Variants in REDIC1 observed in about 807,000 individuals in gnomAD.
REDIC1 encodes regulator of DNA class I crossover intermediates 1.
At chr12:39,664,029 A>G in the REDIC1 span, among the ~76,000 whole-genome samples, 1 of 151,712 alleles carries the variant, frequency 6.6e-6, no homozygotes, top group African/African-American at 2.4e-5. Flanking sequence ...ATAAGAATTC[A>G]CTTACATATG....
chr12:39,856,833 G>A, the REDIC1 span, among the ~76,000 whole-genome samples: 12 of 152,270 alleles, frequency 7.9e-5, no homozygotes, highest in South Asian at 2.5e-3. Flanking sequence ...TAGCTGAATT[G>A]TTTTCGTTTC....
the REDIC1 span, among the ~76,000 whole-genome samples, chr12:39,726,987 C>T: frequency 6.6e-6 from 1 of 152,134 alleles, no homozygotes; most frequent in Non-Finnish European, 1.5e-5. Flanking sequence ...TGTTCATATC[C>T]TTTGCCCACT....
the REDIC1 span, among the ~76,000 whole-genome samples, chr12:39,649,024 A>G: frequency 6.6e-6 from 1 of 151,868 alleles, no homozygotes; most frequent in Non-Finnish European, 1.5e-5. Flanking sequence ...ACAAAAACCT[A>G]CATTCTAGAT....
At chr12:39,733,815 C>G in the REDIC1 span, among the ~76,000 whole-genome samples, 1 of 152,202 alleles carries the variant, frequency 6.6e-6, no homozygotes, top group African/African-American at 2.4e-5. Context: ...GAATTTCAAG[C>G]CAGCGGATCT....
chr12:39,761,208 C>T, the REDIC1 span, among the ~76,000 whole-genome samples: 1 of 151,668 alleles, frequency 6.6e-6, no homozygotes, highest in African/African-American at 2.4e-5. Flanking sequence ...TCTGGATAGT[C>T]ATTTAACCTC....
At chr12:39,710,066 G>A in the REDIC1 span, among the ~76,000 whole-genome samples, 1 of 151,632 alleles carries the variant, frequency 6.6e-6, no homozygotes, top group East Asian at 1.9e-4. Context: ...TTTTTAAATG[G>A]TGAATTTTAC....
At chr12:39,776,602 G>A in the REDIC1 span, among the ~76,000 whole-genome samples, 1 of 152,226 alleles carries the variant, frequency 6.6e-6, no homozygotes, top group Non-Finnish European at 1.5e-5. Context: ...GAAGCCATGA[G>A]GTAAAGAAGG....
the REDIC1 span, among the ~76,000 whole-genome samples, chr12:39,713,716 C>T: frequency 0.07 from 10,368 of 148,332 alleles, 1,261 homozygotes; most frequent in African/African-American, 0.24. Flanking sequence ...TTTATGTATG[C>T]CTGTATACAT....
the REDIC1 span, among the ~76,000 whole-genome samples, chr12:39,697,080 A>G: frequency 6.6e-6 from 1 of 152,140 alleles, no homozygotes; most frequent in African/African-American, 2.4e-5. Context: ...ATAAACTCCT[A>G]AAGATCAAGA....
At chr12:39,718,023 T>A in the REDIC1 span, among the ~76,000 whole-genome samples, 1 of 152,122 alleles carries the variant, frequency 6.6e-6, no homozygotes, top group Non-Finnish European at 1.5e-5. Context: ...TGATTAGCTC[T>A]TGTAAATCCT....
chr12:39,768,820 T>C, the REDIC1 span, among the ~76,000 whole-genome samples: 2 of 152,164 alleles, frequency 1.3e-5, no homozygotes, highest in East Asian at 3.9e-4. Flanking sequence ...AATGAGCACA[T>C]ACTATTGGAA....
the REDIC1 span, among the ~76,000 whole-genome samples, chr12:39,874,028 T>C: frequency 1.3e-5 from 2 of 152,228 alleles, no homozygotes; most frequent in African/African-American, 4.8e-5. Context: ...AAGAAGCTCA[T>C]AGTTTAATTT....
chr12:39,714,016 T>C, the REDIC1 span, among the ~76,000 whole-genome samples: 1 of 143,656 alleles, frequency 7.0e-6, no homozygotes, highest in Non-Finnish European at 1.6e-5. Flanking sequence ...TGCATATACG[T>C]TTATATAAGT....
At chr12:39,664,060 A>G in the REDIC1 span, among the ~76,000 whole-genome samples, 1 of 151,572 alleles carries the variant, frequency 6.6e-6, no homozygotes, top group Non-Finnish European at 1.5e-5. Context: ...TCTTGTTTTT[A>G]GAATTATTTG....
At chr12:39,872,764 T>C in the REDIC1 span, among the ~76,000 whole-genome samples, 1 of 152,216 alleles carries the variant, frequency 6.6e-6, no homozygotes, top group African/African-American at 2.4e-5. Context: ...AAAGTTAACC[T>C]GAAAACAAAG....
chr12:39,692,042 C>T, the REDIC1 span: 6 of 1,564,994 alleles, frequency 3.8e-6, no homozygotes, highest in Non-Finnish European at 5.2e-6. Context: ...TTTTGGTTTT[C>T]TCCTAGATTC....
At chr12:39,898,662 G>A in the REDIC1 span, among the ~76,000 whole-genome samples, 1 of 152,098 alleles carries the variant, frequency 6.6e-6, no homozygotes, top group Non-Finnish European at 1.5e-5. Flanking sequence ...GACATACAAG[G>A]CATTGAGACC....
At chr12:39,891,612 G>A in the REDIC1 span, among the ~76,000 whole-genome samples, 1 of 152,142 alleles carries the variant, frequency 6.6e-6, no homozygotes, top group Non-Finnish European at 1.5e-5. Flanking sequence ...GAAATAATGA[G>A]TATCATTTTC....
the REDIC1 span, among the ~76,000 whole-genome samples, chr12:39,871,350 T>A: frequency 5.3e-5 from 8 of 151,426 alleles, no homozygotes; most frequent in South Asian, 4.2e-4. Context: ...AGAAATTACA[T>A]GGTTCTAATA....
Sources: gnomAD v4.1 joint callset for allele counts (sites outside exome capture counted in the v4.1 genomes callset) on GRCh38, gnomAD v4.1.1 for gene constraint, MANE v1.5 for transcripts, NCBI Gene and HGNC (gene_info 2026-07-23, HGNC 2026-07-21) for gene names.